USP6NL: variants seen among roughly 807,000 people sequenced by gnomAD.
The protein encoded by USP6NL is USP6 N-terminal like.
A neutral mutation model predicts 61.9 loss-of-function variants in USP6NL; 26 were observed. The observed-to-expected ratio is 0.42, with a 90% CI of 0.31 to 0.58. The LOEUF (loss-of-function observed/expected upper bound fraction) is 0.58. Ranked by LOEUF, USP6NL falls within the 20% of genes least tolerant of loss-of-function variation. The pLI is 0.16. For synonymous variants in USP6NL, 432 were observed against 390.1 expected (o/e 1.11, Z -1.27); for missense variants, 1,114 against 1,034.3 (o/e 1.08, Z -1.06).
chr10:11,601,122 GGTAA>G (rs1838512983), intron 1 of USP6NL, among the ~76,000 whole-genome samples: 1 of 151,952 alleles, frequency 6.6e-6, no homozygotes, highest in Non-Finnish European at 1.5e-5. Context: ...TCAACAAAAG[GGTAA>G]GTAATGATAT....
At chr10:11,493,070 G>A (rs1236990284) in intron 8 of USP6NL, 49 bp downstream of exon 8, 8 of 1,476,722 alleles carry the variant, frequency 5.4e-6, no homozygotes, top group African/African-American at 1.4e-5. Context: ...AGTTAATAAA[G>A]ACTATTTATA....
At chr10:11,467,026 T>C (rs563532935) in intron 14 of USP6NL, among the ~76,000 whole-genome samples, 1 of 152,324 alleles carries the variant, frequency 6.6e-6, no homozygotes, top group African/African-American at 2.4e-5. Flanking sequence ...CAATTTATCT[T>C]ACTTAGACTC....
At chr10:11,599,658 A>G in intron 1 of USP6NL, among the ~76,000 whole-genome samples, 1 of 152,180 alleles carries the variant, frequency 6.6e-6, no homozygotes, top group East Asian at 1.9e-4. Flanking sequence ...AAATGACATA[A>G]CTGAAGTCAC....
At position 11,463,755 on chromosome 10, in the gene USP6NL, G is replaced by A. The variant is rs772326982; in HGVS notation, c.1173C>T (p.Ser391=). The A allele has an allele frequency of 6.3e-6, 10 of 1,583,600 alleles. No individual in the cohort carries two copies. The highest frequency in any genetic ancestry group is 5.7e-5 in the South Asian group (5 of 87,000). ...TGGCCAGCGGGCTCGGCCGGCCCAC[G>A]CTCCTCTGTCCGTTGCTCAAGTGAT... The part of the protein sequence containing the change: ...GVHHLSNGQR[S]VGRPSPLASG... Residue 391 remains serine, a synonymous_variant, in exon 15 of 15, where the codon AGC becomes AGT. Coordinates refer to ENST00000609104, the MANE Select transcript of USP6NL (RefSeq NM_014688.5). The surrounding 1 kb of genome is among the most constrained non-coding windows in gnomAD (Gnocchi z 6.3).
chr10:11,571,659 A>G (rs184860490), intron 2 of USP6NL, among the ~76,000 whole-genome samples: 2 of 151,290 alleles, frequency 1.3e-5, no homozygotes, highest in Non-Finnish European at 3.0e-5. Context: ...TTTTTTTTTT[A>G]AATTCTCTTC....
At position 11,474,725 on chromosome 10, in the gene USP6NL, C is replaced by T. The variant is rs182143854; in HGVS notation, c.1078+7045G>A. Among the ~76,000 whole-genome samples the T allele has an allele frequency of 3.3e-5, 5 of 152,040 alleles. No individual in the cohort carries two copies. In the East Asian group the frequency reaches 9.7e-4, roughly 29 times the overall value. On this transcript the variant is annotated intron_variant, in intron 14 of 14. Coordinates refer to ENST00000609104, the MANE Select transcript of USP6NL (RefSeq NM_014688.5). This position sits in a 1 kb window ranked among gnomAD's most constrained non-coding sequence, Gnocchi z 4.9. ...TTTTTTTAAAAAAAACTTGCATCAA[C>T]AAATGACTACTGCAAAGGGCTGCTG... is the stretch of plus-strand genomic sequence containing the variant.
rs1197669883 is a variant in USP6NL, at chr10:11,528,528, G to A, written c.5-961C>T. ...GGCATCATTATGAATCCTACACCGC[G>A]ATAAAAAAGAGGCTTAGAGATTTTA... On this transcript the variant is annotated intron_variant, in intron 2 of 14. Coordinates refer to ENST00000609104, the MANE Select transcript of USP6NL (RefSeq NM_014688.5). The surrounding 1 kb of genome is among the most constrained non-coding windows in gnomAD (Gnocchi z 4.6). Among the ~76,000 whole-genome samples the A allele has an allele frequency of 1.3e-5, 2 of 152,102 alleles. No individual in the cohort carries two copies. The highest frequency in any genetic ancestry group is 2.9e-5 in the Non-Finnish European group (2 of 68,030).
chr10:11,577,497 T>G (rs1395814166), intron 2 of USP6NL, among the ~76,000 whole-genome samples: 2 of 152,140 alleles, frequency 1.3e-5, no homozygotes, highest in Admixed American at 6.5e-5. Flanking sequence ...TTGTTTGTTT[T>G]TTTGTTTGTT....
Position 11,525,983 on chromosome 10 carries a change from C to T in USP6NL, c.73-515G>A, listed in dbSNP as rs184593650. Among the ~76,000 whole-genome samples, 12 of 152,334 alleles carry T rather than the reference C, an allele frequency of 7.9e-5. No homozygotes were observed. Among genetic ancestry groups the T allele is most frequent in the African/African-American group, 2.9e-4 (12 of 41,570 alleles). Reference sequence around the variant, plus strand: ...AAAAATGACCTTCCAGCAGTCAGACCTGCTGCACGCTCTTCAGGCCTCATC... The same window carrying T: ...AAAAATGACCTTCCAGCAGTCAGACTTGCTGCACGCTCTTCAGGCCTCATC... On this transcript the variant is annotated intron_variant, in intron 3 of 14. Transcript: ENST00000609104. This position sits in a 1 kb window ranked among gnomAD's most constrained non-coding sequence, Gnocchi z 5.0.
At chr10:11,535,278 C>G (rs1175863249) in intron 2 of USP6NL, among the ~76,000 whole-genome samples, 1 of 152,130 alleles carries the variant, frequency 6.6e-6, no homozygotes, top group Non-Finnish European at 1.5e-5. Flanking sequence ...TCTCCAGTAC[C>G]CCAGTGGGTC....
At chr10:11,517,238 A>T (rs577529396) in intron 5 of USP6NL, among the ~76,000 whole-genome samples, 2 of 152,378 alleles carry the variant, frequency 1.3e-5, no homozygotes, top group African/African-American at 2.4e-5. Flanking sequence ...TCATAGTCAG[A>T]GTGTGAGAAC....
intron 2 of USP6NL, among the ~76,000 whole-genome samples, chr10:11,538,445 A>G (rs966883005): frequency 6.6e-6 from 1 of 152,180 alleles, no homozygotes; most frequent in Admixed American, 6.5e-5. Flanking sequence ...TGAAAAGAGG[A>G]CAGTTTCTCA....
At position 11,489,589 on chromosome 10, in the gene USP6NL, T is replaced by C. The variant is rs1274694770; in HGVS notation, c.544-367A>G. On this transcript the variant is annotated intron_variant, in intron 9 of 14. Transcript: ENST00000609104. The surrounding 1 kb of genome is among the most constrained non-coding windows in gnomAD (Gnocchi z 5.7). Reference sequence around the variant, plus strand: ...GTCTCCCCTTCTACAACACCCAGTATGCTGTCTTGTCTCCTCTAGATTTCT... The same window carrying C: ...GTCTCCCCTTCTACAACACCCAGTACGCTGTCTTGTCTCCTCTAGATTTCT... Among the ~76,000 whole-genome samples, 1 of 152,230 alleles carries C rather than the reference T, an allele frequency of 6.6e-6. No homozygotes were observed. The highest frequency in any genetic ancestry group is 1.5e-5 in the Non-Finnish European group (1 of 68,038).
intron 5 of USP6NL, among the ~76,000 whole-genome samples, chr10:11,516,198 C>T (rs1354505762): frequency 6.6e-6 from 1 of 152,042 alleles, no homozygotes; most frequent in Non-Finnish European, 1.5e-5. Flanking sequence ...GACTGTATAC[C>T]ACTCTCCCTA....
intron 4 of USP6NL, among the ~76,000 whole-genome samples, chr10:11,521,201 ATT>A (rs1835191047): frequency 6.6e-6 from 1 of 151,586 alleles, no homozygotes; most frequent in African/African-American, 2.4e-5. Context: ...ACTAAATTTT[ATT>A]TTTGTTTTTA....
chr10:11,610,490 C>G (rs996727356), intron 1 of USP6NL, among the ~76,000 whole-genome samples: 2 of 152,130 alleles, frequency 1.3e-5, no homozygotes, highest in African/African-American at 4.8e-5. Context: ...CTCTAAAGTT[C>G]TGTGTAACTT....
intron 2 of USP6NL, among the ~76,000 whole-genome samples, chr10:11,545,988 A>C (rs1313137947): frequency 6.6e-6 from 1 of 152,214 alleles, no homozygotes; most frequent in Non-Finnish European, 1.5e-5. Context: ...AACAGCTTAC[A>C]TTACTATCCT....
intron 2 of USP6NL, among the ~76,000 whole-genome samples, chr10:11,584,253 T>C (rs1837891764): frequency 6.6e-6 from 1 of 152,224 alleles, no homozygotes; most frequent in South Asian, 2.1e-4. Context: ...AGCCTTGGAA[T>C]AAATGTTAAT....
At chr10:11,538,105 G>C (rs1835906203) in intron 2 of USP6NL, among the ~76,000 whole-genome samples, 1 of 152,068 alleles carries the variant, frequency 6.6e-6, no homozygotes, top group Non-Finnish European at 1.5e-5. Flanking sequence ...TTTTAATTAA[G>C]TTAAAATTTT....
Sources: allele counts gnomAD v4.1 joint callset (sites outside exome capture counted in the v4.1 genomes callset), GRCh38; gene constraint gnomAD v4.1.1; non-coding constraint Gnocchi (gnomAD v3.1); transcripts MANE v1.5; gene names NCBI Gene and HGNC (gene_info 2026-07-23, HGNC 2026-07-21).